Variants in USH2A observed in about 807,000 individuals in gnomAD.
USH2A encodes the protein usherin.
Under a neutral mutation model 538.9 loss-of-function variants are expected in USH2A, and 443 were observed. The ratio of observed to expected loss-of-function variants is 0.82; its 90% CI spans 0.76 to 0.89. USH2A has a LOEUF of 0.89. Ranked by LOEUF, USH2A falls within the 40% of genes least tolerant of loss-of-function variation. The pLI, the probability that USH2A is intolerant of heterozygous loss-of-function variation, is 0.00. For missense variants in USH2A, 6,633 were observed against 6,324.8 expected, an observed-to-expected ratio of 1.05 and a Z score of -1.65; for synonymous variants, 2,413 against 2,273.5, an observed-to-expected ratio of 1.06 and a Z score of -1.75.
chr1:215,925,252 C>G (rs1455221106), intron 38 of USH2A, among the ~76,000 whole-genome samples: 3 of 152,080 alleles, frequency 2.0e-5, no homozygotes, highest in Non-Finnish European at 4.4e-5. Flanking sequence ...TGGTTCTATT[C>G]TCGTACCTGG....
At chr1:216,011,152 C>A (rs978392800) in intron 32 of USH2A, among the ~76,000 whole-genome samples, 1 of 152,134 alleles carries the variant, frequency 6.6e-6, no homozygotes, top group Non-Finnish European at 1.5e-5. Context: ...GCCTTATCAA[C>A]CAAATTGTTT....
At chr1:215,661,934 G>A (rs533286854) in intron 64 of USH2A, among the ~76,000 whole-genome samples, 2 of 152,146 alleles carry the variant, frequency 1.3e-5, no homozygotes, top group Non-Finnish European at 2.9e-5. Context: ...AAACATCAAC[G>A]TTCCTAGCCA....
At chr1:216,363,202 A>G (rs1166948795) in intron 4 of USH2A, among the ~76,000 whole-genome samples, 1 of 152,172 alleles carries the variant, frequency 6.6e-6, no homozygotes, top group African/African-American at 2.4e-5. Flanking sequence ...TAGTTTATAT[A>G]CAGGCATTGT....
rs1165607839 is a variant in USH2A at position 216,422,103 on chromosome 1, G to C, written c.234C>G (p.Phe78Leu). Reference protein sequence around the residue: ...HSSAAAESIQFCTQRFCIQDC... With the variant: ...HSSAAAESIQLCTQRFCIQDC... Reference sequence around the variant, plus strand: ...CCTGAATACAAAACCGCTGGGTACAGAACTGAATACTTTCAGCAGCAGCAG... The same window carrying C: ...CCTGAATACAAAACCGCTGGGTACACAACTGAATACTTTCAGCAGCAGCAG... Residue 78 changes from phenylalanine (F) to leucine (L), a missense_variant, in exon 2 of 72, where the codon TTC (phenylalanine) becomes TTG (leucine). Transcript: ENST00000307340. The C allele has an allele frequency of 6.2e-7, 1 of 1,613,810 alleles. No individual in the cohort carries two copies. Among genetic ancestry groups the C allele is most frequent in the South Asian group, 1.1e-5 (1 of 91,070 alleles).
At chr1:215,666,989 G>T (rs370941958) in intron 64 of USH2A, among the ~76,000 whole-genome samples, 2 of 152,124 alleles carry the variant, frequency 1.3e-5, no homozygotes, top group African/African-American at 4.8e-5. Flanking sequence ...TACTTGGGAG[G>T]GTGAGGCAGG....
rs1486704752 is a variant in USH2A, at chr1:216,086,801, A to G, written c.4905T>C (p.Asn1635=). ...GIYTGSSAIL[N]GSTVIGDNTG... is the part of the protein sequence containing the mutation. ...TGTTATCTCCAATAACAGTACTACC[A>G]TTCAGGATGGCAGAGGAACCTAGAG... Residue 1635 remains asparagine, a synonymous_variant, in exon 24 of 72, where the codon AAT becomes AAC. Coordinates refer to ENST00000307340, the MANE Select transcript of USH2A (RefSeq NM_206933.4). 6.2e-7 allele frequency: 1 copy of G among 1,612,892 alleles called. No individual in the cohort carries two copies. The highest frequency in any genetic ancestry group is 8.5e-7 in the Non-Finnish European group (1 of 1,179,222).
At chr1:216,136,502 C>A (rs941632147) in intron 21 of USH2A, among the ~76,000 whole-genome samples, 4 of 152,070 alleles carry the variant, frequency 2.6e-5, no homozygotes, top group Admixed American at 2.0e-4. Flanking sequence ...ATTAGGTTAT[C>A]TTTCCTGCAT....
chr1:216,135,134 ACTCTCTCTCTCT>A (rs10560983), intron 21 of USH2A, among the ~76,000 whole-genome samples: 34 of 121,028 alleles, frequency 2.8e-4, no homozygotes, highest in Admixed American at 1.0e-3. Flanking sequence ...GGAGCCTGAA[ACTCTCTCTCTCT>A]CTCTCTCTCT....
chr1:215,683,246 C>T (rs1658300608), intron 61 of USH2A, among the ~76,000 whole-genome samples: 2 of 11,754 alleles, frequency 1.7e-4, no homozygotes, highest in African/African-American at 3.5e-4. Context: ...CACACACACA[C>T]ACACACACGC....
chr1:216,324,336 A>G lies in USH2A; in HGVS notation c.1160T>C (p.Ile387Thr). ...CGTTGGTTGTGGACTAAAGAACTGA[A>G]TGATAATATAAAACACCTGAAAATG... is the stretch of plus-strand genomic sequence containing the variant. Reference protein sequence around the residue: ...NGQYQVFYIIIQFFSPQPTEI... With the variant: ...NGQYQVFYIITQFFSPQPTEI... The change falls in exon 7 of 72, where the codon ATT becomes ACT. Residue 387 changes from isoleucine (I) to threonine (T), a missense_variant. Transcript: ENST00000307340. 1.2e-6 allele frequency: 2 copies of G among 1,611,592 alleles called. No homozygotes were observed. Among genetic ancestry groups the G allele is most frequent in the Non-Finnish European group, 1.7e-6 (2 of 1,178,672 alleles).
intron 21 of USH2A, among the ~76,000 whole-genome samples, chr1:216,097,795 C>G (rs1371858263): frequency 6.6e-6 from 1 of 152,194 alleles, no homozygotes; most frequent in Non-Finnish European, 1.5e-5. Context: ...ATACAATGCT[C>G]TTTTCTCATA....
rs1255027327 is a variant in USH2A, at chr1:216,395,523, T to C, written c.651+22991A>G. On this transcript the variant is annotated intron_variant, in intron 3 of 71. Transcript: ENST00000307340. The stretch of plus-strand genomic sequence containing the variant: ...TAAAATTCTCTCAGTTAAATGTGGT[T>C]AACCTTAAATCCAAGCCTCTTCTGT... Among the ~76,000 whole-genome samples the C allele has an allele frequency of 2.6e-5, 4 of 152,218 alleles. No individual in the cohort carries two copies. The East Asian group carries it at 7.7e-4, about 29-fold the overall frequency.
At chr1:215,665,607 CA>C (rs1318353257) in intron 64 of USH2A, among the ~76,000 whole-genome samples, 4 of 152,194 alleles carry the variant, frequency 2.6e-5, no homozygotes, top group Admixed American at 6.5e-5. Flanking sequence ...AATGTCTTAA[CA>C]GAGTAGACTC....
chr1:215,671,249 G>A lies in USH2A; in HGVS notation c.13856C>T (p.Ser4619Leu). The change falls in exon 64 of 72, where the codon TCA (serine) becomes TTA (leucine). Residue 4619 changes from serine to leucine, a missense_variant. Physicochemically the swap from Ser to Leu is moderately radical, Grantham distance 145. Coordinates refer to ENST00000307340, the MANE Select transcript of USH2A (RefSeq NM_206933.4). ...GGTCTGTATGAATGTCCAGTCACTT[G>A]ATGCACATCCCAGGGTGGTGCACGC... ...IQACTTLGCA[S>L]SDWTFIQTPE... The A allele has an allele frequency of 1.9e-6, 3 of 1,614,088 alleles. No homozygotes were observed. Among genetic ancestry groups the A allele is most frequent in the Non-Finnish European group, 2.5e-6 (3 of 1,179,998 alleles).
chr1:215,916,062 A>G (rs1665945030), intron 38 of USH2A, among the ~76,000 whole-genome samples: 1 of 149,630 alleles, frequency 6.7e-6, no homozygotes, highest in East Asian at 2.0e-4. Context: ...GGGGAGGGAT[A>G]GCTTTAGGAG....
At chr1:216,108,209 C>T (rs1221158386) in intron 21 of USH2A, among the ~76,000 whole-genome samples, 1 of 151,674 alleles carries the variant, frequency 6.6e-6, no homozygotes, top group Admixed American at 6.6e-5. Context: ...AAATGTCTTT[C>T]AAATTATTTT....
chr1:215,668,645 A>G (rs1295946658), intron 64 of USH2A, among the ~76,000 whole-genome samples: 1 of 152,238 alleles, frequency 6.6e-6, no homozygotes, highest in Non-Finnish European at 1.5e-5. Context: ...CTCCTCTGAA[A>G]TGTGGGTCCC....
intron 15 of USH2A, among the ~76,000 whole-genome samples, chr1:216,209,450 G>C (rs1384466080): frequency 6.6e-6 from 1 of 152,176 alleles, no homozygotes; most frequent in Non-Finnish European, 1.5e-5. Context: ...GAAAAGTAGG[G>C]AACAGTAAAG....
intron 21 of USH2A, among the ~76,000 whole-genome samples, chr1:216,104,223 C>G (rs555092551): frequency 9.9e-5 from 15 of 152,026 alleles, no homozygotes. Flanking sequence ...CTCCTCCCCC[C>G]ACCCCACAAC....
Sources: allele counts gnomAD v4.1 joint callset (sites outside exome capture counted in the v4.1 genomes callset), GRCh38; gene constraint gnomAD v4.1.1; transcripts MANE v1.5; gene names NCBI Gene and HGNC (gene_info 2026-07-23, HGNC 2026-07-21).